KMT5B: variants seen among roughly 807,000 people sequenced by gnomAD.
KMT5B encodes lysine methyltransferase 5B.
Under a neutral mutation model 83.2 loss-of-function variants are expected in KMT5B, and 10 were observed. The ratio of observed to expected loss-of-function variants is 0.12; its 90% confidence interval spans 0.07 to 0.20. The LOEUF is 0.20. KMT5B is among the 10% of genes least tolerant of loss of function. The pLI is 1.00. For missense variants in KMT5B, 753 were observed against 1,067.2 expected (o/e 0.71, Z 4.10); for synonymous variants, 349 against 388.8 (o/e 0.90, Z 1.20).
chr11:68,191,866 A>T (rs1858119575), intron 1 of KMT5B, among the ~76,000 whole-genome samples: 1 of 152,256 alleles, frequency 6.6e-6, no homozygotes, highest in Non-Finnish European at 1.5e-5. Context: ...CCACTCACTC[A>T]CTGACTCATC....
chr11:68,158,696 C>T lies in KMT5B; in HGVS notation c.1650G>A (p.Glu550=). The T allele has an allele frequency of 6.2e-7, 1 of 1,614,082 alleles. No individual in the cohort carries two copies. Among genetic ancestry groups the T allele is most frequent in the Non-Finnish European group, 8.5e-7 (1 of 1,180,010 alleles). The part of the protein sequence containing the change: ...RSVRTRTNLK[E]ASDIKLEPNT... ...TTGGTTCAAGCTTGATGTCAGAGGC[C>T]TCCTTCAGATTTGTTCTTGTCCTCA... The change falls in exon 11 of 11, where the codon GAG becomes GAA. Residue 550 remains glutamate, a synonymous_variant. Coordinates refer to ENST00000304363, the MANE Select transcript of KMT5B (RefSeq NM_017635.5).
At chr11:68,183,741 CCT>C (rs1447604880) in intron 3 of KMT5B, among the ~76,000 whole-genome samples, 2 of 151,262 alleles carry the variant, frequency 1.3e-5, no homozygotes, top group Admixed American at 6.6e-5. Flanking sequence ...TTCACTGCAA[CCT>C]CTGTCTCCCG....
chr11:68,211,435 C>T (rs1440716725), intron 1 of KMT5B, among the ~76,000 whole-genome samples: 3 of 152,204 alleles, frequency 2.0e-5, no homozygotes, highest in Admixed American at 2.0e-4. Context: ...TACCATATTC[C>T]CTTCACTCTC....
At chr11:68,191,721 T>C (rs927821804) in intron 1 of KMT5B, among the ~76,000 whole-genome samples, 3 of 152,336 alleles carry the variant, frequency 2.0e-5, no homozygotes, top group Non-Finnish European at 4.4e-5. Context: ...AAAAAAAAAC[T>C]TTATAAAGTA....
rs768299849 is a variant in KMT5B at position 68,157,978 on chromosome 11, A to C, written c.2368T>G (p.Ser790Ala). The C allele has an allele frequency of 6.2e-7, 1 of 1,613,548 alleles. No homozygotes were observed. Among genetic ancestry groups the C allele is most frequent in the Non-Finnish European group, 8.5e-7 (1 of 1,179,866 alleles). The change falls in exon 11 of 11, where the codon TCT becomes GCT. Residue 790 changes from serine to alanine, a missense_variant. Physicochemically the swap from Ser to Ala is moderately conservative, Grantham distance 99. This residue lies in a region of KMT5B where 161 missense variants were observed against 195.1 expected (regional missense o/e 0.83). Coordinates refer to ENST00000304363, the MANE Select transcript of KMT5B (RefSeq NM_017635.5). ...TTTTCATGAAGCCCCTCTGTATAAGACCCCCTATTTTCCTCATCTCGTTTT... is the reference window on the plus strand; with the variant it reads ...TTTTCATGAAGCCCCTCTGTATAAGCCCCCCTATTTTCCTCATCTCGTTTT... ...QLKRDEENRG[S>A]YTEGLHENGV...
chr11:68,166,870 G>A, intron 10 of KMT5B, 112 bp downstream of exon 10: 3 of 1,493,792 alleles, frequency 2.0e-6, no homozygotes, highest in Non-Finnish European at 2.7e-6. Context: ...AAGCTCACAA[G>A]TCCCAGTCTC....
intron 10 of KMT5B, among the ~76,000 whole-genome samples, chr11:68,161,997 TCAC>T (rs770051954): frequency 4.6e-5 from 7 of 152,106 alleles, no homozygotes; most frequent in Non-Finnish European, 1.0e-4. Context: ...TTGGTCAATA[TCAC>T]CACCACATGC....
chr11:68,174,126 C>G lies in KMT5B; in HGVS notation c.544-213G>C, dbSNP rs1372942470. ...TACGTGGGAGGCTGAGAGGAAGAAT[C>G]ACTTGAGCCCAAGAGATGGAAGCTG... On this transcript the variant is annotated intron_variant, in intron 5 of 10. Transcript: ENST00000304363. 5 of 613,320 alleles carry G rather than the reference C, an allele frequency of 8.2e-6. No homozygotes were observed. In the African/African-American group the frequency reaches 9.1e-5, roughly 11 times the overall value. The allele number at this position is 613,320 out of a possible 1,614,324, so 38.0% of individuals were successfully genotyped here.
chr11:68,160,561 G>C (rs893290316), intron 10 of KMT5B, among the ~76,000 whole-genome samples: 12 of 152,232 alleles, frequency 7.9e-5, no homozygotes. Flanking sequence ...GGATCCTGCA[G>C]AGAAATCTGT....
intron 1 of KMT5B, among the ~76,000 whole-genome samples, chr11:68,199,555 G>C (rs182089817): frequency 2.2e-4 from 33 of 152,268 alleles, no homozygotes; most frequent in African/African-American, 7.0e-4. Context: ...CTGAGACTTG[G>C]GCCTTTACTC....
intron 1 of KMT5B, among the ~76,000 whole-genome samples, chr11:68,196,211 C>T (rs969400881): frequency 3.3e-5 from 5 of 151,970 alleles, no homozygotes; most frequent in African/African-American, 1.2e-4. Context: ...AAGGGCAATG[C>T]ACCATGCCTT....
chr11:68,193,394 C>T (rs956869233), intron 1 of KMT5B, among the ~76,000 whole-genome samples: 4 of 152,138 alleles, frequency 2.6e-5, no homozygotes, highest in African/African-American at 7.2e-5. Flanking sequence ...ATACTCAACA[C>T]AAACACAAAA....
In KMT5B at chr11:68,180,120, C is replaced by T. The variant is rs549015305; in HGVS notation, c.377+12G>A. On this transcript the variant is annotated intron_variant, in intron 4 of 10. Transcript: ENST00000304363. The stretch of plus-strand genomic sequence containing the variant: ...AGTCAGTATCTCATTGTTTTTAACA[C>T]ACACTACCTACCTCACAGGGTTGTT... 2.5e-6 allele frequency: 4 copies of T among 1,578,272 alleles called. No individual in the cohort carries two copies. Among genetic ancestry groups the T allele is most frequent in the South Asian group, 1.1e-5 (1 of 86,986 alleles).
At chr11:68,169,136 G>T (rs145474726) in intron 9 of KMT5B, among the ~76,000 whole-genome samples, 1 of 152,190 alleles carries the variant, frequency 6.6e-6, no homozygotes, top group Non-Finnish European at 1.5e-5. Context: ...ACTTACACAC[G>T]TTTCTATCTA....
rs1859331912 is a variant in KMT5B at position 68,156,879 on chromosome 11, CTTG to C, written c.*806_*808del. On this transcript the variant is annotated 3_prime_UTR_variant, in exon 11 of 11. Coordinates refer to ENST00000304363, the MANE Select transcript of KMT5B (RefSeq NM_017635.5). ...GCTGTAGTTCATTAGATAAATGTTG[CTTG>C]TTGTCATCACGTTGTTCACAGCAAA... The C allele has an allele frequency of 6.6e-6, 1 of 152,576 alleles. No individual in the cohort carries two copies. Among genetic ancestry groups the C allele is most frequent in the African/African-American group, 2.4e-5 (1 of 41,426 alleles). The allele number at this position is 152,576 out of a possible 1,614,324, so 9.5% of individuals were successfully genotyped here.
rs778807355 is a variant in KMT5B at position 68,180,188 on chromosome 11, C to T, written c.321G>A (p.Ser107=). The T allele has an allele frequency of 4.5e-6, 7 of 1,567,304 alleles. No individual in the cohort carries two copies. In the South Asian group the frequency reaches 4.5e-5, roughly 10 times the overall value. ...ATTTTGAAAAATGCCTTGAGCTCCT[C>T]GAAGGAAAGGCGCTATATAAATGCA... ...THKMNTSAFP[S]RSSRHFSKSD... is the part of the protein sequence containing the mutation. The change falls in exon 4 of 11, where the codon TCG becomes TCA. Residue 107 remains serine (S), a synonymous_variant. Coordinates refer to ENST00000304363, the MANE Select transcript of KMT5B (RefSeq NM_017635.5).
intron 3 of KMT5B, among the ~76,000 whole-genome samples, chr11:68,185,076 T>C (rs1018677644): frequency 3.9e-5 from 6 of 152,168 alleles, no homozygotes; most frequent in African/African-American, 1.4e-4. Context: ...AGAGACAACG[T>C]GTAAGAGAAA....
Position 68,171,000 on chromosome 11 carries a change from T to C in KMT5B, c.977+15A>G. 6.4e-7 allele frequency: 1 copy of C among 1,567,654 alleles called. No individual in the cohort carries two copies. The highest frequency in any genetic ancestry group is 8.6e-7 in the Non-Finnish European group (1 of 1,164,866). On this transcript the variant is annotated intron_variant, in intron 9 of 10. Transcript: ENST00000304363. Reference sequence around the variant, plus strand: ...CAAAAAATGTTTAGGCTGAACATTTTACTTAATACCTTACCTTTCGCAAGT... The same window carrying C: ...CAAAAAATGTTTAGGCTGAACATTTCACTTAATACCTTACCTTTCGCAAGT...
At chr11:68,193,580 G>A (rs1858348556) in intron 1 of KMT5B, among the ~76,000 whole-genome samples, 1 of 151,166 alleles carries the variant, frequency 6.6e-6, no homozygotes, top group South Asian at 2.1e-4. Flanking sequence ...TTTTTTTCTG[G>A]TTCCCTTACT....
Sources: gnomAD v4.1 joint callset for allele counts (sites outside exome capture counted in the v4.1 genomes callset) on GRCh38, gnomAD v4.1.1 for gene constraint, gnomAD v4.1.1 regional missense constraint, MANE v1.5 for transcripts, NCBI Gene and HGNC (gene_info 2026-07-23, HGNC 2026-07-21) for gene names.